The following SYNDIG1L variants were observed in gnomAD, a reference collection of about 807,000 sequenced individuals.
The protein encoded by SYNDIG1L is synapse differentiation inducing 1 like.
Under a neutral mutation model 20.1 loss-of-function variants are expected in SYNDIG1L, and 13 were observed. That is an observed-to-expected ratio of 0.65 (90% CI 0.42 to 1.03). The LOEUF is 1.03. Among genes scored for constraint, SYNDIG1L ranks in the 50% least tolerant of loss-of-function variants. The probability of loss-of-function intolerance (pLI) is 0.00; values close to 1 mark genes in which losing one functional copy is unlikely to be tolerated. For synonymous variants in SYNDIG1L, 128 were observed against 129.3 expected (o/e 0.99, Z 0.07); for missense variants, 294 against 305.1 (o/e 0.96, Z 0.27).
chr14:74,422,039 A>G (rs1376725316), intron 1 of SYNDIG1L, among the ~76,000 whole-genome samples: 2 of 152,184 alleles, frequency 1.3e-5, no homozygotes, highest in African/African-American at 4.8e-5. Context: ...TGCTACTCAA[A>G]TTAGTCCATT....
the SYNDIG1L span, among the ~76,000 whole-genome samples, chr14:74,460,564 A>T: frequency 5.9e-5 from 9 of 152,166 alleles, no homozygotes; most frequent in Non-Finnish European, 1.0e-4. Context: ...TGGTCCACTG[A>T]GAAACCCTTG....
chr14:74,456,516 C>T, the SYNDIG1L span, among the ~76,000 whole-genome samples: 10 of 152,084 alleles, frequency 6.6e-5, no homozygotes, highest in Non-Finnish European at 1.5e-4. Flanking sequence ...GCAACAAGAG[C>T]AAAACTCCAT....
the SYNDIG1L span, among the ~76,000 whole-genome samples, chr14:74,431,480 T>A: frequency 6.6e-6 from 1 of 152,200 alleles, no homozygotes; most frequent in Non-Finnish European, 1.5e-5. Context: ...ATTTTGACTG[T>A]CTACTCTGTA....
At chr14:74,413,519 A>T (rs908955589) in intron 1 of SYNDIG1L, among the ~76,000 whole-genome samples, 1 of 152,192 alleles carries the variant, frequency 6.6e-6, no homozygotes, top group African/African-American at 2.4e-5. Flanking sequence ...ACTCCGCCAA[A>T]ATGTCAAGAG....
In SYNDIG1L at chr14:74,409,643, G is replaced by C; in HGVS notation, c.102C>G (p.Cys34Trp). ...PYPETPPSWSCQEKLYSYLLG... is the reference protein window; with the variant it reads ...PYPETPPSWSWQEKLYSYLLG... ...GGAGGTAGGAGTAGAGCTTTTCCTG[G>C]CAGGACCAGCTGGGTGGGGTCTCCG... Residue 34 changes from cysteine (C) to tryptophan (W), a missense_variant, in exon 2 of 4, where the codon TGC (cysteine) becomes TGG (tryptophan). Cys to Trp is a radical substitution (Grantham distance 215). Coordinates refer to ENST00000331628, the MANE Select transcript of SYNDIG1L (RefSeq NM_001105579.2). 1 of 1,493,426 alleles carries C rather than the reference G, an allele frequency of 6.7e-7. No individual in the cohort carries two copies. Among genetic ancestry groups the C allele is most frequent in the East Asian group, 2.4e-5 (1 of 41,848 alleles). 92.5% of individuals were successfully genotyped at this position (1,493,426 alleles called of 1,614,324 possible). A position where few individuals can be genotyped will look rare whatever the true frequency, so the allele number is the denominator to read the frequency against.
At chr14:74,457,394 G>A in the SYNDIG1L span, among the ~76,000 whole-genome samples, 2 of 151,970 alleles carry the variant, frequency 1.3e-5, no homozygotes, top group African/African-American at 4.8e-5. Context: ...CTGCACTGAG[G>A]AGAAACAGCA....
At chr14:74,415,785 C>A (rs913153569) in intron 1 of SYNDIG1L, among the ~76,000 whole-genome samples, 5 of 152,060 alleles carry the variant, frequency 3.3e-5, no homozygotes, top group African/African-American at 4.8e-5. Context: ...AAGCGACCCT[C>A]CCACCTTGGC....
intron 1 of SYNDIG1L, among the ~76,000 whole-genome samples, chr14:74,415,602 A>T (rs777145987): frequency 6.6e-6 from 1 of 152,088 alleles, no homozygotes; most frequent in Non-Finnish European, 1.5e-5. Flanking sequence ...GTGCAATGGC[A>T]TGATTCCAGC....
the SYNDIG1L span, among the ~76,000 whole-genome samples, chr14:74,448,069 T>C: frequency 6.6e-6 from 1 of 151,878 alleles, no homozygotes; most frequent in East Asian, 1.9e-4. Context: ...TAATTAAGTC[T>C]AAAGAAGGCA....
chr14:74,420,954 C>G lies in SYNDIG1L; in HGVS notation c.-58+4958G>C, dbSNP rs191127988. ...AGGAAATTCATACTAGCTGCTTGTT[C>G]TAGTCAATGCCTTCCTTCATTCCTA... On this transcript the variant is annotated intron_variant, in intron 1 of 3. Coordinates refer to ENST00000331628, the MANE Select transcript of SYNDIG1L (RefSeq NM_001105579.2). 2.0e-5 allele frequency among the ~76,000 whole-genome samples: 3 copies of G among 152,214 alleles called. No homozygotes were observed. The East Asian group carries it at 5.8e-4, about 29-fold the overall frequency.
the SYNDIG1L span, among the ~76,000 whole-genome samples, chr14:74,463,241 C>T: frequency 6.6e-6 from 1 of 152,230 alleles, no homozygotes; most frequent in Non-Finnish European, 1.5e-5. Context: ...CCTAGCTAAA[C>T]ACTTCTTCCT....
At chr14:74,418,041 A>T (rs932133956) in intron 1 of SYNDIG1L, among the ~76,000 whole-genome samples, 3 of 152,352 alleles carry the variant, frequency 2.0e-5, no homozygotes, top group South Asian at 4.1e-4. Context: ...CGGGCAGAAG[A>T]TTAAATGTAA....
At chr14:74,457,983 A>G in the SYNDIG1L span, among the ~76,000 whole-genome samples, 1 of 151,858 alleles carries the variant, frequency 6.6e-6, no homozygotes, top group Non-Finnish European at 1.5e-5. Context: ...TATTTTTTGT[A>G]GAGATGAGGT....
At chr14:74,457,496 T>A in the SYNDIG1L span, among the ~76,000 whole-genome samples, 1 of 151,754 alleles carries the variant, frequency 6.6e-6, no homozygotes, top group Non-Finnish European at 1.5e-5. Flanking sequence ...CGGCCACATT[T>A]CCTCCTCCAG....
At chr14:74,415,925 T>C (rs2139625569) in intron 1 of SYNDIG1L, among the ~76,000 whole-genome samples, 1 of 152,124 alleles carries the variant, frequency 6.6e-6, no homozygotes, top group East Asian at 1.9e-4. Context: ...ACCAACTACA[T>C]CAGTAATGAC....
the SYNDIG1L span, among the ~76,000 whole-genome samples, chr14:74,452,227 C>A: frequency 6.6e-6 from 1 of 152,054 alleles, no homozygotes; most frequent in South Asian, 2.1e-4. Context: ...TTGACCATAC[C>A]AAGTACTGAC....
At chr14:74,460,138 C>A in the SYNDIG1L span, among the ~76,000 whole-genome samples, 1 of 152,098 alleles carries the variant, frequency 6.6e-6, no homozygotes, top group African/African-American at 2.4e-5. Flanking sequence ...TCCTCTCAGG[C>A]TTTAAGCTCA....
the SYNDIG1L span, among the ~76,000 whole-genome samples, chr14:74,444,017 C>T: frequency 2.0e-5 from 3 of 152,216 alleles, no homozygotes; most frequent in South Asian, 2.1e-4. Flanking sequence ...TTATTTGAGA[C>T]TCTAACTAAT....
At chr14:74,463,978 C>T in the SYNDIG1L span, among the ~76,000 whole-genome samples, 8 of 152,132 alleles carry the variant, frequency 5.3e-5, no homozygotes, top group African/African-American at 9.7e-5. Flanking sequence ...ATCTACACTG[C>T]GGCATAAGCA....
Sources: allele counts gnomAD v4.1 joint callset (sites outside exome capture counted in the v4.1 genomes callset), GRCh38; gene constraint gnomAD v4.1.1; transcripts MANE v1.5; gene names NCBI Gene and HGNC (gene_info 2026-07-23, HGNC 2026-07-21).